Variants in UST observed in about 807,000 individuals in gnomAD.
UST encodes the protein chondroitin sulfate 2-O-sulfotransferase.
Under a neutral mutation model 45.6 loss-of-function variants are expected in UST, and 21 were observed. The ratio of observed to expected loss-of-function variants is 0.46; its 90% confidence interval spans 0.33 to 0.66. The LOEUF is 0.66. Ranked by LOEUF, UST falls within the 30% of genes least tolerant of loss-of-function variation. The probability of loss-of-function intolerance (pLI) is 0.02; values close to 1 mark genes in which losing one functional copy is unlikely to be tolerated. For synonymous variants in UST, 215 were observed against 200.6 expected, an observed-to-expected ratio of 1.07 and a Z score of -0.61; for missense variants, 463 against 512.4, an observed-to-expected ratio of 0.90 and a Z score of 0.93.
chr6:149,064,265 A>T (rs554988032), intron 7 of UST, among the ~76,000 whole-genome samples: 2 of 152,304 alleles, frequency 1.3e-5, no homozygotes, highest in Admixed American at 6.5e-5. Context: ...ACCTGGGCTC[A>T]TTAGTCAGAC....
In UST at chr6:149,027,048, CAG is replaced by C. The variant is rs1776059543; in HGVS notation, c.937+5570_937+5571del. Among the ~76,000 whole-genome samples the C allele has an allele frequency of 2.0e-5, 3 of 151,770 alleles. 1 individual carries two copies. The highest frequency in any genetic ancestry group is 1.3e-4 in the Admixed American group (2 of 15,226). On this transcript the variant is annotated intron_variant, in intron 7 of 7. Transcript: ENST00000367463. Reference sequence around the variant, plus strand: ...ACTTAAATAGTTTTATAAACAATCACAGAGTACACATTTAAATATTATGCTTT... The same window carrying C: ...ACTTAAATAGTTTTATAAACAATCACAGTACACATTTAAATATTATGCTTT...
rs555375278 is a variant in UST at position 149,040,445 on chromosome 6, A to G, written c.937+18964A>G. ...GGCCGGGCGGGCGGATCACGAGGGC[A>G]GGAGTTCAAGACCAGCCTGGCCAAC... On this transcript the variant is annotated intron_variant, in intron 7 of 7. Coordinates refer to ENST00000367463, the MANE Select transcript of UST (RefSeq NM_005715.3). Among the ~76,000 whole-genome samples, 4 of 152,256 alleles carry G rather than the reference A, an allele frequency of 2.6e-5. No homozygotes were observed. In the South Asian group the frequency reaches 6.2e-4, roughly 24 times the overall value.
chr6:148,922,474 G>C (rs1779728707), intron 2 of UST, among the ~76,000 whole-genome samples: 1 of 151,084 alleles, frequency 6.6e-6, no homozygotes, highest in Admixed American at 6.6e-5. Context: ...TATTTGCATA[G>C]AGATGATCTT....
At chr6:148,978,802 C>T (rs145594999) in intron 5 of UST, among the ~76,000 whole-genome samples, 1 of 152,160 alleles carries the variant, frequency 6.6e-6, no homozygotes, top group African/African-American at 2.4e-5. Context: ...AACAAACCTG[C>T]ACGTTCAGCA....
chr6:148,825,432 G>T (rs1777552001), intron 1 of UST, among the ~76,000 whole-genome samples: 2 of 152,170 alleles, frequency 1.3e-5, no homozygotes, highest in Admixed American at 1.3e-4. Context: ...ATTGAAGTTA[G>T]ATACAAAACA....
intron 1 of UST, among the ~76,000 whole-genome samples, chr6:148,781,976 G>A (rs1776652319): frequency 6.6e-6 from 1 of 152,216 alleles, no homozygotes; most frequent in South Asian, 2.1e-4. Context: ...CTCTGATGGA[G>A]ATGTACAAGG....
chr6:148,913,815 T>G (rs894378898), intron 2 of UST, among the ~76,000 whole-genome samples: 2 of 152,232 alleles, frequency 1.3e-5, no homozygotes, highest in African/African-American at 4.8e-5. Flanking sequence ...TTTAAATTTT[T>G]TTAAAATTAT....
In UST at chr6:148,773,190, T is replaced by C. The variant is rs148533410; in HGVS notation, c.247+25513T>C. Among the ~76,000 whole-genome samples, 962 of 152,330 alleles carry C rather than the reference T, an allele frequency of 6.3e-3. 11 individuals carry two copies. Among genetic ancestry groups the C allele is most frequent in the African/African-American group, 0.022 (920 of 41,558 alleles). ...AATGGTGATTGTTGGCCAGGTCTGG[T>C]GGCTCACGCCTGTAATCCCAACAAT... On this transcript the variant is annotated intron_variant, in intron 1 of 7. Coordinates refer to ENST00000367463, the MANE Select transcript of UST (RefSeq NM_005715.3).
At chr6:148,841,044 G>GAAAA (rs11407927) in intron 1 of UST, among the ~76,000 whole-genome samples, 4 of 138,602 alleles carry the variant, frequency 2.9e-5, no homozygotes, top group African/African-American at 5.3e-5. Context: ...ATTTTGAAAT[G>GAAAA]AAAAAAAAAA....
chr6:148,828,746 G>A (rs1777621882), intron 1 of UST, among the ~76,000 whole-genome samples: 1 of 152,198 alleles, frequency 6.6e-6, no homozygotes, highest in South Asian at 2.1e-4. Context: ...TGGAGCAAAA[G>A]TATTCATTAA....
intron 1 of UST, among the ~76,000 whole-genome samples, chr6:148,792,260 G>A (rs551917037): frequency 1.5e-4 from 23 of 152,106 alleles, no homozygotes; most frequent in African/African-American, 4.3e-4. Context: ...GCTTGGCACC[G>A]TGCAGACCAA....
At chr6:148,829,510 TC>T (rs1418189959) in intron 1 of UST, among the ~76,000 whole-genome samples, 1 of 152,184 alleles carries the variant, frequency 6.6e-6, no homozygotes, top group Non-Finnish European at 1.5e-5. Context: ...TCTGTGCTGT[TC>T]AGTCTACTTC....
At chr6:148,925,430 A>G (rs575176463) in intron 2 of UST, among the ~76,000 whole-genome samples, 1 of 141,346 alleles carries the variant, frequency 7.1e-6, no homozygotes, top group Admixed American at 7.0e-5. Context: ...TGACTTTTAA[A>G]CTTTCTACAA....
intron 1 of UST, among the ~76,000 whole-genome samples, chr6:148,788,112 C>T (rs1776767837): frequency 6.6e-6 from 1 of 152,170 alleles, no homozygotes; most frequent in Non-Finnish European, 1.5e-5. Flanking sequence ...TCTTACATTG[C>T]AGCGGCAAGA....
intron 1 of UST, among the ~76,000 whole-genome samples, chr6:148,845,536 T>C (rs921006435): frequency 5.3e-5 from 8 of 152,224 alleles, no homozygotes; most frequent in Non-Finnish European, 1.5e-5. Flanking sequence ...GTTTCCAGTT[T>C]GGGGCTATTG....
Position 148,801,743 on chromosome 6 carries a change from C to G in UST, c.247+54066C>G, listed in dbSNP as rs1464614916. On this transcript the variant is annotated intron_variant, in intron 1 of 7. Transcript: ENST00000367463. ...CAGTCACTCTCCCCTTTCTTTTTGG[C>G]CCCGGCATATCTCATTCTCTCTCTG... is the stretch of plus-strand genomic sequence containing the variant. Among the ~76,000 whole-genome samples, 3 of 152,100 alleles carry G rather than the reference C, an allele frequency of 2.0e-5. No individual in the cohort carries two copies. In the East Asian group the frequency reaches 5.8e-4, roughly 29 times the overall value.
intron 5 of UST, among the ~76,000 whole-genome samples, chr6:148,978,191 T>C (rs1330448403): frequency 6.6e-6 from 1 of 152,214 alleles, no homozygotes; most frequent in African/African-American, 2.4e-5. Context: ...TTTATCTTTC[T>C]TTTTTCTAGT....
At chr6:148,869,673 T>C (rs553069189) in intron 1 of UST, among the ~76,000 whole-genome samples, 2 of 152,362 alleles carry the variant, frequency 1.3e-5, no homozygotes, top group East Asian at 3.9e-4. Flanking sequence ...TAAATCAGCA[T>C]CAGCATTTAT....
intron 7 of UST, 54 bp from the exon 8 acceptor site, chr6:149,073,779 C>T: frequency 1.3e-5 from 20 of 1,576,536 alleles, no homozygotes; most frequent in Admixed American, 1.7e-5. Context: ...TCGCCGGGAT[C>T]CCTTCTAAGC....
Sources: gnomAD v4.1 joint callset for allele counts (sites outside exome capture counted in the v4.1 genomes callset) on GRCh38, gnomAD v4.1.1 for gene constraint, MANE v1.5 for transcripts, NCBI Gene and HGNC (gene_info 2026-07-23, HGNC 2026-07-21) for gene names.